Variants in POLR3G observed in about 807,000 individuals in gnomAD.
POLR3G encodes RNA polymerase III subunit G.
POLR3G carries 28 observed loss-of-function variants against 30.1 expected under a neutral mutation model. The observed-to-expected ratio is 0.93, with a 90% confidence interval of 0.69 to 1.27. The LOEUF is 1.27. POLR3G is among the 50% of genes most tolerant of loss of function. The pLI is 0.00. For missense variants in POLR3G, 254 were observed against 264.6 expected, an observed-to-expected ratio of 0.96 and a Z score of 0.28; for synonymous variants, 79 against 82.5, an observed-to-expected ratio of 0.96 and a Z score of 0.23.
At chr5:90,476,126 C>T (rs760769191) in intron 1 of POLR3G, among the ~76,000 whole-genome samples, 27 of 152,184 alleles carry the variant, frequency 1.8e-4, no homozygotes, top group African/African-American at 9.7e-5. Context: ...ATTATGATAA[C>T]CTTTACTGTG....
At chr5:90,510,882 A>C (rs1234862) in intron 7 of POLR3G, among the ~76,000 whole-genome samples, 1 of 151,886 alleles carries the variant, frequency 6.6e-6, no homozygotes, top group African/African-American at 2.4e-5. Flanking sequence ...AAAAAAAAAA[A>C]ACTTTGGAAA....
intron 1 of POLR3G, among the ~76,000 whole-genome samples, chr5:90,481,619 A>G (rs1387246299): frequency 2.0e-5 from 3 of 152,228 alleles, no homozygotes; most frequent in African/African-American, 7.2e-5. Context: ...CCTAAAGTTT[A>G]AGAAGCATTG....
intron 7 of POLR3G, among the ~76,000 whole-genome samples, chr5:90,511,716 TAATGTA>T (rs1752746049): frequency 6.6e-6 from 1 of 152,106 alleles, no homozygotes; most frequent in Non-Finnish European, 1.5e-5. Flanking sequence ...TAATGGATGT[TAATGTA>T]AACTGGCTTT....
intron 4 of POLR3G, among the ~76,000 whole-genome samples, chr5:90,497,061 TC>T (rs779445175): frequency 9.8e-5 from 15 of 152,320 alleles, no homozygotes; most frequent in Admixed American, 9.2e-4. Context: ...TGCTTCCATT[TC>T]CTGTTTAACT....
chr5:90,474,611 C>A (rs1279106881), upstream of POLR3G: 3 of 378,782 alleles, frequency 7.9e-6, no homozygotes, highest in African/African-American at 4.3e-5. Context: ...GGGGCCACTG[C>A]AGCAGAATGG....
At chr5:90,478,566 G>GTTATTTTTTTTTT (rs1561245449) in intron 1 of POLR3G, among the ~76,000 whole-genome samples, 1 of 31,078 alleles carries the variant, frequency 3.2e-5, no homozygotes, top group African/African-American at 1.2e-4. Flanking sequence ...AATCTGCGTG[G>GTTATTTTTTTTTT]TTCTTTTTTT....
At chr5:90,496,307 A>C (rs1275080819) in intron 4 of POLR3G, among the ~76,000 whole-genome samples, 1 of 152,192 alleles carries the variant, frequency 6.6e-6, no homozygotes, top group African/African-American at 2.4e-5. Context: ...CAGGCCAAAC[A>C]AACCCTTTGA....
At chr5:90,474,527 G>A, upstream of POLR3G, 1 of 539,430 alleles carries the variant, frequency 1.9e-6, no homozygotes, top group South Asian at 2.3e-5. Context: ...AGCAAGCAGA[G>A]GCTGCGCCAC....
intron 3 of POLR3G, among the ~76,000 whole-genome samples, chr5:90,488,717 T>G (rs1248138690): frequency 6.6e-6 from 1 of 152,232 alleles, no homozygotes; most frequent in Non-Finnish European, 1.5e-5. Context: ...TGTCTCTGAT[T>G]ATTTAATATT....
At chr5:90,510,424 T>A (rs1252957667) in intron 7 of POLR3G, among the ~76,000 whole-genome samples, 1 of 152,086 alleles carries the variant, frequency 6.6e-6, no homozygotes, top group African/African-American at 2.4e-5. Flanking sequence ...TTACCAAATT[T>A]GAATCACTTA....
intron 3 of POLR3G, among the ~76,000 whole-genome samples, chr5:90,489,258 AT>A (rs527243253): frequency 0.03 from 4,116 of 138,220 alleles, 60 homozygotes; most frequent in Non-Finnish European, 0.042. Flanking sequence ...AAAATACTTA[AT>A]TTTTTTTTTT....
intron 4 of POLR3G, among the ~76,000 whole-genome samples, chr5:90,496,178 C>T (rs150825327): frequency 6.6e-6 from 1 of 151,730 alleles, no homozygotes; most frequent in Non-Finnish European, 1.5e-5. Context: ...TCACCGTGTT[C>T]GCCAGAATGG....
intron 3 of POLR3G, among the ~76,000 whole-genome samples, chr5:90,493,867 A>G (rs1455453811): frequency 2.0e-5 from 3 of 150,786 alleles, no homozygotes; most frequent in East Asian, 2.0e-4. Context: ...GCCACCACAC[A>G]TGGCTAATTT....
chr5:90,494,798 A>G (rs991701151), intron 3 of POLR3G, among the ~76,000 whole-genome samples: 2 of 151,860 alleles, frequency 1.3e-5, no homozygotes, highest in African/African-American at 2.4e-5. Context: ...TCTGTATTTC[A>G]TTATTTGAAA....
intron 3 of POLR3G, among the ~76,000 whole-genome samples, chr5:90,493,676 A>ATTTTTTTTTTTTTTTTTTTTTTTTTTTTT (rs70999488): frequency 1.9e-5 from 1 of 51,420 alleles, no homozygotes; most frequent in Non-Finnish European, 3.9e-5. Flanking sequence ...CCACTATTTA[A>ATTTTTTTTTTTTTTTTTTTTTTTTTTTTT]TTTTTTTTTT....
At chr5:90,509,672 G>A (rs1752645915) in intron 7 of POLR3G, among the ~76,000 whole-genome samples, 1 of 152,172 alleles carries the variant, frequency 6.6e-6, no homozygotes, top group African/African-American at 2.4e-5. Context: ...CACTTGCAGG[G>A]AGAAAAAAGA....
chr5:90,491,600 G>A (rs1163463380), intron 3 of POLR3G, among the ~76,000 whole-genome samples: 1 of 150,908 alleles, frequency 6.6e-6, no homozygotes, highest in Non-Finnish European at 1.5e-5. Flanking sequence ...CTTGCATAGA[G>A]GTTTTCTAAA....
chr5:90,475,109 G>C (rs981665455), intron 1 of POLR3G, 89 bp downstream of exon 1: 14 of 152,368 alleles, frequency 9.2e-5, no homozygotes, highest in African/African-American at 3.1e-4. Flanking sequence ...GGGGAAGTCA[G>C]GGGTAGAGAT....
chr5:90,487,867 A>T, intron 2 of POLR3G, 133 bp from the exon 3 acceptor site: 1 of 628,212 alleles, frequency 1.6e-6, no homozygotes, highest in Non-Finnish European at 2.5e-6. Context: ...TTCATCTTTT[A>T]AGTTGGTTGT....
Sources: allele counts gnomAD v4.1 joint callset (sites outside exome capture counted in the v4.1 genomes callset), GRCh38; gene constraint gnomAD v4.1.1; transcripts MANE v1.5; gene names NCBI Gene and HGNC (gene_info 2026-07-23, HGNC 2026-07-21).